Variants in PFKFB2 observed in about 807,000 individuals in gnomAD.
PFKFB2 encodes 6-phosphofructo-2-kinase/fructose-2,6-bisphosphatase 2.
PFKFB2 carries 53 observed loss-of-function variants against 68.0 expected under a neutral mutation model. The observed-to-expected ratio is 0.78, with a 90% CI of 0.63 to 0.98. PFKFB2 has a LOEUF of 0.98. Among genes scored for constraint, PFKFB2 ranks in the 50% least tolerant of loss-of-function variants. PFKFB2 has a pLI of 0.00. For synonymous variants in PFKFB2, 222 were observed against 227.6 expected, an observed-to-expected ratio of 0.98 and a Z score of 0.22; for missense variants, 451 against 642.0, an observed-to-expected ratio of 0.70 and a Z score of 3.22.
intron 8 of PFKFB2, among the ~76,000 whole-genome samples, chr1:207,065,876 G>A (rs1326763911): frequency 6.6e-6 from 1 of 152,160 alleles, no homozygotes; most frequent in Non-Finnish European, 1.5e-5. Flanking sequence ...GTTCCCCGGG[G>A]GGCACAGTTA....
At position 207,054,702 on chromosome 1, in the gene PFKFB2, C is replaced by A; in HGVS notation, c.-16C>A. 1 of 1,599,116 alleles carries A rather than the reference C, an allele frequency of 6.3e-7. No individual in the cohort carries two copies. Among genetic ancestry groups the A allele is most frequent in the Non-Finnish European group, 8.6e-7 (1 of 1,167,220 alleles). The stretch of plus-strand genomic sequence containing the variant: ...TTACATTCTACTTCTCTGTTTCAGA[C>A]ATCTGAAGAGCTGCCATGTCTGGGG... On this transcript the variant is annotated splice_region_variant and 5_prime_UTR_variant, in exon 2 of 15. Transcript: ENST00000367080.
rs1205562918 is a variant in PFKFB2 at position 207,077,681 on chromosome 1, C to T, written c.*5310C>T. The T allele has an allele frequency of 1.0e-6, 1 of 985,658 alleles. No individual in the cohort carries two copies. Among genetic ancestry groups the T allele is most frequent in the Non-Finnish European group, 1.2e-6 (1 of 829,872 alleles). 61.1% of individuals were successfully genotyped at this position (985,658 alleles called of 1,614,324 possible). On this transcript the variant is annotated 3_prime_UTR_variant, in exon 15 of 15. Transcript: ENST00000367080. ...AGGAACATAAGTCTTTAGCAACATT[C>T]TGATTTAATCGGGTGACACTGATAA...
upstream of PFKFB2, chr1:207,053,217 T>G (rs915959107): frequency 1.3e-5 from 2 of 152,308 alleles, no homozygotes; most frequent in Non-Finnish European, 2.9e-5. Flanking sequence ...GGTGAGGACC[T>G]ACGCGCGAGG....
intron 1 of PFKFB2, among the ~76,000 whole-genome samples, chr1:207,053,903 C>CTTTTT (rs1682831521): frequency 8.7e-6 from 1 of 114,806 alleles, no homozygotes; most frequent in African/African-American, 3.6e-5. Context: ...TTTCATTTTT[C>CTTTTT]ATTTTTTTTT....
intron 2 of PFKFB2, 161 bp downstream of exon 2, chr1:207,054,963 G>A (rs1682877346): frequency 3.4e-6 from 2 of 581,930 alleles, no homozygotes; most frequent in East Asian, 3.0e-5. Context: ...TCTAAAACAA[G>A]TAGACTTAGT....
downstream of PFKFB2, chr1:207,078,855 A>G (rs1277610176): frequency 6.3e-6 from 6 of 954,514 alleles, no homozygotes; most frequent in Non-Finnish European, 5.1e-6. Context: ...GGGGAGGTTG[A>G]GGGAGGAGGG....
intron 2 of PFKFB2, among the ~76,000 whole-genome samples, chr1:207,058,669 A>G (rs907899591): frequency 3.9e-5 from 6 of 151,916 alleles, no homozygotes; most frequent in Non-Finnish European, 8.8e-5. Context: ...TAATTTTTAT[A>G]TTTTTAGTAG....
intron 4 of PFKFB2, 118 bp downstream of exon 4, chr1:207,062,834 T>C (rs1055524620): frequency 3.3e-5 from 34 of 1,019,578 alleles, no homozygotes; most frequent in Non-Finnish European, 4.7e-5. Context: ...TAAATGGAAG[T>C]TATCTGATGG....
intron 2 of PFKFB2, among the ~76,000 whole-genome samples, chr1:207,059,169 T>TTTG (rs991477251): frequency 3.3e-5 from 5 of 152,146 alleles, no homozygotes; most frequent in African/African-American, 7.2e-5. Context: ...GATGCAGTTT[T>TTTG]TTGTTGTTGT....
At chr1:207,050,761 G>T (rs1682723824), upstream of PFKFB2, 1 of 1,613,298 alleles carries the variant, frequency 6.2e-7, no homozygotes, top group African/African-American at 1.3e-5. Context: ...GGTATCCGAC[G>T]AGGATTCGCT....
Position 207,072,389 on chromosome 1 carries a change from C to A in PFKFB2, c.*18C>A. ...CCGACTAGCCGAAGACCCAAGTCAG[C>A]ATTCCGGTGGTGTAACTGTGTGTTT... On this transcript the variant is annotated 3_prime_UTR_variant, in exon 15 of 15. Coordinates refer to ENST00000367080, the MANE Select transcript of PFKFB2 (RefSeq NM_006212.2). The A allele has an allele frequency of 6.2e-7, 1 of 1,609,724 alleles. No homozygotes were observed. Among genetic ancestry groups the A allele is most frequent in the Non-Finnish European group, 8.5e-7 (1 of 1,177,674 alleles).
intron 2 of PFKFB2, chr1:207,044,217 A>C (rs1326070140): frequency 6.6e-6 from 1 of 152,564 alleles, no homozygotes; most frequent in Non-Finnish European, 1.5e-5. Context: ...GCATTAATAC[A>C]GAAACTATAG....
intron 7 of PFKFB2, among the ~76,000 whole-genome samples, chr1:207,064,753 C>T (rs927969414): frequency 6.6e-6 from 1 of 152,124 alleles, no homozygotes; most frequent in Non-Finnish European, 1.5e-5. Flanking sequence ...CAGGAAAGTA[C>T]ATAAAGGGAT....
chr1:207,058,551 A>T (rs541511234), intron 2 of PFKFB2, among the ~76,000 whole-genome samples: 1 of 152,168 alleles, frequency 6.6e-6, no homozygotes, highest in East Asian at 1.9e-4. Flanking sequence ...TCCAGGCTTG[A>T]GTTTTTCCAT....
intron 7 of PFKFB2, 41 bp from the exon 8 acceptor site, chr1:207,064,995 C>T: frequency 6.2e-7 from 1 of 1,603,902 alleles, no homozygotes. Context: ...CTGTTACGGG[C>T]AGACCTCTGA....
intron 7 of PFKFB2, among the ~76,000 whole-genome samples, chr1:207,064,575 T>A (rs1333181484): frequency 6.6e-6 from 1 of 152,216 alleles, no homozygotes; most frequent in Non-Finnish European, 1.5e-5. Flanking sequence ...TGGGTTGTGC[T>A]CTGCTGGACC....
At chr1:207,036,251 A>G (rs1054474031) in intron 1 of PFKFB2, among the ~76,000 whole-genome samples, 6 of 152,206 alleles carry the variant, frequency 3.9e-5, no homozygotes, top group Non-Finnish European at 1.5e-5. Context: ...ATAGACTGTA[A>G]CCACTTGTCT....
In PFKFB2 at chr1:207,074,766, A is replaced by T. The variant is rs1412968753; in HGVS notation, c.*2395A>T. On this transcript the variant is annotated 3_prime_UTR_variant, in exon 15 of 15. Coordinates refer to ENST00000367080, the MANE Select transcript of PFKFB2 (RefSeq NM_006212.2). Reference sequence around the variant, plus strand: ...GTCCAGAGGAAGGTTATTTTAAGAGACAGGACATGTAATTTATAACAAATG... The same window carrying T: ...GTCCAGAGGAAGGTTATTTTAAGAGTCAGGACATGTAATTTATAACAAATG... 1.0e-6 allele frequency: 1 copy of T among 985,322 alleles called. No homozygotes were observed. Among genetic ancestry groups the T allele is most frequent in the Admixed American group, 6.1e-5 (1 of 16,272 alleles). The allele number at this position is 985,322 out of a possible 1,614,324, so 61.0% of individuals were successfully genotyped here.
At chr1:207,034,456 T>G (rs1682337977) in exon 1 of PFKFB2, 1 of 152,252 alleles carries the variant, frequency 6.6e-6, no homozygotes, top group Non-Finnish European at 1.5e-5. Context: ...GTCAATGAAG[T>G]TGATCCAGCT....
Sources: gnomAD v4.1 joint callset for allele counts (sites outside exome capture counted in the v4.1 genomes callset) on GRCh38, gnomAD v4.1.1 for gene constraint, MANE v1.5 for transcripts, NCBI Gene and HGNC (gene_info 2026-07-23, HGNC 2026-07-21) for gene names.